The following WDR41 variants were observed in gnomAD, a reference collection of about 807,000 sequenced individuals.
The protein encoded by WDR41 is WD repeat domain 41, also known as WD repeat-containing protein 41.
Under a neutral mutation model 69.3 loss-of-function variants are expected in WDR41, and 63 were observed. That is an observed-to-expected ratio of 0.91 (90% confidence interval 0.74 to 1.12). The LOEUF is 1.12. Ranked by LOEUF, WDR41 falls within the 50% of genes most tolerant of loss-of-function variation. The pLI, the probability that WDR41 is intolerant of heterozygous loss-of-function variation, is 0.00. For synonymous variants in WDR41, 185 were observed against 192.1 expected (o/e 0.96, Z 0.31); for missense variants, 543 against 534.5 (o/e 1.02, Z -0.16).
chr5:77,500,027 G>A (rs966874180), intron 1 of WDR41, among the ~76,000 whole-genome samples: 1 of 152,112 alleles, frequency 6.6e-6, no homozygotes, highest in Non-Finnish European at 1.5e-5. Context: ...ATATTCCAAA[G>A]GTCTAGGAGT....
chr5:77,573,864 T>C (rs1743776774), intron 1 of WDR41, among the ~76,000 whole-genome samples: 1 of 152,166 alleles, frequency 6.6e-6, no homozygotes, highest in Admixed American at 6.5e-5. Flanking sequence ...ATAACCTCTG[T>C]TAATTGACCT....
intron 1 of WDR41, among the ~76,000 whole-genome samples, chr5:77,544,581 T>C (rs1743153487): frequency 6.6e-6 from 1 of 152,058 alleles, no homozygotes; most frequent in Admixed American, 6.5e-5. Flanking sequence ...AGAGAGACAT[T>C]ATATAATAAT....
chr5:77,593,653 TA>T (rs1477634871), intron 1 of WDR41, among the ~76,000 whole-genome samples: 1 of 152,170 alleles, frequency 6.6e-6, no homozygotes, highest in Non-Finnish European at 1.5e-5. Context: ...TGCTAGTTTA[TA>T]AAAATATTAT....
At position 77,489,592 on chromosome 5, in the gene WDR41, A is replaced by G; in HGVS notation, c.52-20T>C. The G allele has an allele frequency of 6.7e-7, 1 of 1,495,130 alleles. No individual in the cohort carries two copies. The highest frequency in any genetic ancestry group is 9.1e-7 in the Non-Finnish European group (1 of 1,100,634). The allele number at this position is 1,495,130 out of a possible 1,614,324, so 92.6% of individuals were successfully genotyped here. On this transcript the variant is annotated intron_variant, in intron 1 of 12. Transcript: ENST00000296679. ...AGATTTCTTGTATTGAAAAAAAAAA[A>G]AAAGCAAAAAACAAAAGACAAAAAA...
intron 1 of WDR41, among the ~76,000 whole-genome samples, chr5:77,559,708 C>T (rs12186348): frequency 0.12 from 17,531 of 151,270 alleles, 1,250 homozygotes; most frequent in South Asian, 0.16. Context: ...TGTGTGTATT[C>T]CTACATACTC....
chr5:77,517,843 G>A (rs1490601373), intron 1 of WDR41, among the ~76,000 whole-genome samples: 4 of 151,776 alleles, frequency 2.6e-5, no homozygotes, highest in Non-Finnish European at 5.9e-5. Context: ...AAGAAGAAAC[G>A]AACATTTTGT....
At chr5:77,545,993 G>C (rs1021363990) in intron 1 of WDR41, 7 of 489,900 alleles carry the variant, frequency 1.4e-5, no homozygotes, top group Non-Finnish European at 2.1e-5. Context: ...CAGGAGCACT[G>C]GCATCATCTC....
At position 77,501,690 on chromosome 5, in the gene WDR41, G is replaced by A. The variant is rs562304052; in HGVS notation, c.43-12118C>T. Among the ~76,000 whole-genome samples the A allele has an allele frequency of 2.0e-5, 3 of 152,236 alleles. No homozygotes were observed. The South Asian group carries it at 6.2e-4, about 32-fold the overall frequency. On this transcript the variant is annotated intron_variant, in intron 1 of 5. Coordinates refer to the WDR41 transcript ENST00000509971. ...GACAAAGCTTCCAGAGGAAGGATCA[G>A]GCAGCAATATTTGCTGTTCTGCAGC...
intron 2 of WDR41, among the ~76,000 whole-genome samples, chr5:77,476,169 T>C (rs545604316): frequency 3.3e-4 from 50 of 152,034 alleles, no homozygotes; most frequent in Non-Finnish European, 7.1e-4. Flanking sequence ...AATATGGGAC[T>C]ATGTGAAAAG....
intron 1 of WDR41, among the ~76,000 whole-genome samples, chr5:77,542,429 TTAAAA>T (rs1248199981): frequency 1.3e-5 from 2 of 151,920 alleles, no homozygotes; most frequent in East Asian, 3.9e-4. Context: ...ATCCCTGAAC[TTAAAA>T]TAAAAGTTGG....
chr5:77,490,294 T>C (rs1392289277), intron 1 of WDR41, among the ~76,000 whole-genome samples: 2 of 152,144 alleles, frequency 1.3e-5, no homozygotes. Context: ...AGAACTGTCC[T>C]GTGCATTACA....
At chr5:77,438,124 G>GA (rs1294597313) in intron 10 of WDR41, 116 bp downstream of exon 10, 1 of 1,458,790 alleles carries the variant, frequency 6.9e-7, no homozygotes, top group African/African-American at 1.4e-5. Flanking sequence ...ATTTCCAAAA[G>GA]AACACAGCAG....
At chr5:77,512,745 CAAAA>C (rs71606301) in intron 1 of WDR41, among the ~76,000 whole-genome samples, 3 of 74,080 alleles carry the variant, frequency 4.0e-5, no homozygotes, top group South Asian at 4.3e-4. Context: ...GACTCCATCT[CAAAA>C]AAAAAAAAAA....
At chr5:77,446,375 TTCCC>T (rs1341066496) in intron 8 of WDR41, among the ~76,000 whole-genome samples, 1 of 152,220 alleles carries the variant, frequency 6.6e-6, no homozygotes, top group Non-Finnish European at 1.5e-5. Context: ...TTCAATGCTA[TTCCC>T]ATCAAACTAC....
chr5:77,453,949 G>A, intron 5 of WDR41, 21 bp from the exon 6 acceptor site: 1 of 1,572,254 alleles, frequency 6.4e-7, no homozygotes, highest in Non-Finnish European at 8.8e-7. Flanking sequence ...TATTTGAAAT[G>A]TATATCAGGT....
At chr5:77,539,345 C>T (rs557237895) in intron 1 of WDR41, among the ~76,000 whole-genome samples, 29 of 152,176 alleles carry the variant, frequency 1.9e-4, no homozygotes, top group African/African-American at 6.5e-4. Context: ...GTTAATCTGC[C>T]TTTTTTATAT....
rs778354822 is a variant in WDR41 at position 77,433,242 on chromosome 5, C to G, written c.1273G>C (p.Asp425His). 1 of 1,613,988 alleles carries G rather than the reference C, an allele frequency of 6.2e-7. No individual in the cohort carries two copies. Among genetic ancestry groups the G allele is most frequent in the Non-Finnish European group, 8.5e-7 (1 of 1,179,956 alleles). The change falls in exon 13 of 13, where the codon GAT (aspartate) becomes CAT (histidine). Residue 425 changes from aspartate to histidine, a missense_variant. Physicochemically the swap from Asp to His is moderately conservative, Grantham distance 81 (BLOSUM62 -1). Coordinates refer to ENST00000296679, the MANE Select transcript of WDR41 (RefSeq NM_018268.4). ...TTTTTCCACAAAATAATGAGATGAT[C>G]AGCGGAGCACGTCACTAGTCCATGA... The part of the protein sequence containing the change: ...EDHGLVTCSA[D>H]HLIILWKNGE...
At chr5:77,536,605 T>C (rs960271420) in intron 1 of WDR41, among the ~76,000 whole-genome samples, 4 of 152,180 alleles carry the variant, frequency 2.6e-5, no homozygotes, top group African/African-American at 9.7e-5. Flanking sequence ...ACATATATGA[T>C]GTTGATCCTG....
intron 1 of WDR41, among the ~76,000 whole-genome samples, chr5:77,499,059 T>C (rs1265073240): frequency 2.0e-5 from 3 of 152,128 alleles, no homozygotes; most frequent in Non-Finnish European, 4.4e-5. Flanking sequence ...TAAAGAACCC[T>C]GAAAACTTAA....
Sources: allele counts gnomAD v4.1 joint callset (sites outside exome capture counted in the v4.1 genomes callset), GRCh38; gene constraint gnomAD v4.1.1; transcripts MANE v1.5; gene names NCBI Gene and HGNC (gene_info 2026-07-23, HGNC 2026-07-21).